CIMIP2B: variants seen among roughly 807,000 people sequenced by gnomAD.
CIMIP2B encodes family with sequence similarity 166 member B.
chr9:35,562,396 ATAGT>A, the CIMIP2B span: 2 of 1,488,070 alleles, frequency 1.3e-6, no homozygotes, highest in Non-Finnish European at 1.8e-6. Flanking sequence ...CGTAGCCCCC[ATAGT>A]TAGGTAAAAG....
At chr9:35,562,663 T>C in the CIMIP2B span, 1 of 1,613,622 alleles carries the variant, frequency 6.2e-7, no homozygotes, top group Non-Finnish European at 8.5e-7. Flanking sequence ...CATGAAGAAC[T>C]TCCGAGGGTC....
At chr9:35,563,346 T>C in the CIMIP2B span, 1 of 1,613,668 alleles carries the variant, frequency 6.2e-7, no homozygotes, top group Admixed American at 1.7e-5. Context: ...TGCCCATAGG[T>C]CTGGCCCACG....
chr9:35,563,386 G>T, the CIMIP2B span: 2 of 1,607,600 alleles, frequency 1.2e-6, no homozygotes, highest in Admixed American at 3.4e-5. Context: ...AGTGTCCAGT[G>T]TACCTGCAGC....
At chr9:35,562,391 C>A in the CIMIP2B span, 3 of 1,487,326 alleles carry the variant, frequency 2.0e-6, no homozygotes, top group East Asian at 2.4e-5. Flanking sequence ...TGGCACGTAG[C>A]CCCCATAGTT....
chr9:35,563,804 G>A, the CIMIP2B span: 3 of 1,614,028 alleles, frequency 1.9e-6, no homozygotes, highest in South Asian at 2.2e-5. Context: ...TTGAGCCCTG[G>A]TATGAAGGTG....
At chr9:35,563,225 C>G in the CIMIP2B span, 7 of 1,614,010 alleles carry the variant, frequency 4.3e-6, no homozygotes, top group South Asian at 6.6e-5. Context: ...GACAGGTAGA[C>G]TCTCCCTGGG....
At chr9:35,563,474 C>T in the CIMIP2B span, 11 of 1,056,852 alleles carry the variant, frequency 1.0e-5, no homozygotes, top group Non-Finnish European at 1.6e-5. Context: ...AAGCCCTGAT[C>T]TTTCTGGACT....
chr9:35,562,095 C>T, the CIMIP2B span: 1 of 1,529,836 alleles, frequency 6.5e-7, no homozygotes. Context: ...GAACTTATAC[C>T]CTGTGTGGCC....
At chr9:35,562,982 TC>T in the CIMIP2B span, 1 of 1,613,916 alleles carries the variant, frequency 6.2e-7, no homozygotes, top group South Asian at 1.1e-5. Flanking sequence ...AGCTCTTCAC[TC>T]CCTTGCTTTT....
chr9:35,561,990 A>ACTT, the CIMIP2B span: 1 of 1,243,226 alleles, frequency 8.0e-7, no homozygotes, highest in Admixed American at 2.6e-5. Flanking sequence ...AGGGAAGGGA[A>ACTT]CTTGATGTCC....
At chr9:35,563,754 G>A in the CIMIP2B span, 2 of 1,611,952 alleles carry the variant, frequency 1.2e-6, no homozygotes, top group Non-Finnish European at 1.7e-6. Flanking sequence ...GGAGCGCTAA[G>A]TGGGAGTCTT....
the CIMIP2B span, chr9:35,562,158 G>C: frequency 4.6e-6 from 6 of 1,307,136 alleles, 1 homozygote; most frequent in South Asian, 8.5e-5. Context: ...TTAATTCTCA[G>C]CCAGTTGGCT....
the CIMIP2B span, chr9:35,563,775 A>T: frequency 6.2e-7 from 1 of 1,613,844 alleles, no homozygotes; most frequent in Non-Finnish European, 8.5e-7. Context: ...ACCCTGGGAT[A>T]TAATGAGGGT....
At chr9:35,561,921 C>T in the CIMIP2B span, 9 of 139,482 alleles carry the variant, frequency 6.5e-5, no homozygotes, top group South Asian at 3.9e-4. Flanking sequence ...GTTCCCCCAC[C>T]CTCCCACCCT....
At chr9:35,563,824 G>A in the CIMIP2B span, 5 of 1,613,960 alleles carry the variant, frequency 3.1e-6, no homozygotes, top group East Asian at 1.1e-4. Context: ...GCTGGCCACA[G>A]CCATGGGGAG....
the CIMIP2B span, chr9:35,563,276 G>A: frequency 6.2e-7 from 1 of 1,614,002 alleles, no homozygotes. Context: ...AGGCAGAAGT[G>A]TGCGGTGGAC....
chr9:35,561,913 TCCCCCAC>T, the CIMIP2B span: 2 of 376,168 alleles, frequency 5.3e-6, no homozygotes, highest in Middle Eastern at 8.7e-4. Flanking sequence ...CTCTTTGTGT[TCCCCCAC>T]CCTCCCACCC....
the CIMIP2B span, chr9:35,563,252 G>A: frequency 6.2e-7 from 1 of 1,614,012 alleles, no homozygotes; most frequent in African/African-American, 1.3e-5. Flanking sequence ...AGGAGATCTT[G>A]GAGGCCGAAT....
chr9:35,562,785 C>T, the CIMIP2B span: 2 of 1,609,186 alleles, frequency 1.2e-6, no homozygotes, highest in Non-Finnish European at 8.5e-7. Context: ...AACCCACAGC[C>T]ACACTACTCA....
Sources: allele counts gnomAD v4.1 joint callset, GRCh38; gene constraint gnomAD v4.1.1; transcripts MANE v1.5; gene names NCBI Gene and HGNC (gene_info 2026-07-23, HGNC 2026-07-21).